CCDC141: variants seen among roughly 807,000 people sequenced by gnomAD.
The protein encoded by CCDC141 is coiled-coil domain-containing protein 141.
Under a neutral mutation model 181.0 loss-of-function variants are expected in CCDC141, and 168 were observed. The observed-to-expected ratio is 0.93, with a 90% CI of 0.82 to 1.05. The LOEUF (loss-of-function observed/expected upper bound fraction) is 1.05, where lower values mean the gene tolerates loss of function less well. Among genes scored for constraint, CCDC141 ranks in the 50% least tolerant of loss-of-function variants. The pLI is 0.00. For synonymous variants in CCDC141, 666 were observed against 642.3 expected (o/e 1.04, Z -0.56); for missense variants, 1,902 against 1,788.5 (o/e 1.06, Z -1.14).
In CCDC141 at chr2:178,961,344, G is replaced by A. The variant is rs983990676; in HGVS notation, c.666C>T (p.Arg222=). 6 of 1,550,426 alleles carry A rather than the reference G, an allele frequency of 3.9e-6. No individual in the cohort carries two copies. The African/African-American group carries it at 8.2e-5, about 21-fold the overall frequency. ...TCCTGTCTTGTAGAAGTTCAAGAAG[G>A]CGGTCAACCTTCAGACAGCTGCTAT... The part of the protein sequence containing the change: ...GAHSSCLKVD[R]LLELLQDRRR... Residue 222 remains arginine (R), a synonymous_variant, in exon 5 of 24, where the codon CGC becomes CGT. Transcript: ENST00000443758.
In CCDC141 at chr2:178,884,887, A is replaced by T; in HGVS notation, c.1719+14T>A. The T allele has an allele frequency of 6.5e-7, 1 of 1,547,466 alleles. No individual in the cohort carries two copies. The highest frequency in any genetic ancestry group is 8.7e-7 in the Non-Finnish European group (1 of 1,144,556). On this transcript the variant is annotated intron_variant, in intron 11 of 23. Coordinates refer to ENST00000443758, the MANE Select transcript of CCDC141 (RefSeq NM_173648.4). ...GGCCACCTTGCTGAAGAAGGTTAAC[A>T]CATAGTACCATACCTCCTCTGATGA... is the stretch of plus-strand genomic sequence containing the variant.
At chr2:178,867,651 A>T (rs1037459502) in intron 16 of CCDC141, among the ~76,000 whole-genome samples, 3 of 152,180 alleles carry the variant, frequency 2.0e-5, no homozygotes, top group Non-Finnish European at 4.4e-5. Flanking sequence ...TATACTGAAG[A>T]TCAATTTTTA....
intron 2 of CCDC141, among the ~76,000 whole-genome samples, chr2:179,033,109 G>C (rs1000741544): frequency 6.6e-6 from 1 of 150,734 alleles, no homozygotes; most frequent in Non-Finnish European, 1.5e-5. Context: ...AAAACACACA[G>C]ACAAACCAAA....
intron 8 of CCDC141, among the ~76,000 whole-genome samples, chr2:178,897,842 C>T (rs1390112713): frequency 6.6e-6 from 1 of 151,984 alleles, no homozygotes; most frequent in Non-Finnish European, 1.5e-5. Flanking sequence ...AAAACTTTAC[C>T]CTCACACAAG....
intron 18 of CCDC141, among the ~76,000 whole-genome samples, chr2:178,855,791 T>TA (rs1033888635): frequency 1.8e-4 from 27 of 152,354 alleles, no homozygotes; most frequent in African/African-American, 6.5e-4. Flanking sequence ...TGATCTTTTT[T>TA]AAAGACATTG....
chr2:178,851,929 C>T (rs1377679592), intron 20 of CCDC141, among the ~76,000 whole-genome samples: 1 of 152,186 alleles, frequency 6.6e-6, no homozygotes, highest in Non-Finnish European at 1.5e-5. Context: ...AGAGTTGATA[C>T]AATCTTAAAG....
chr2:178,845,648 A>G lies in CCDC141; in HGVS notation c.3452T>C (p.Ile1151Thr), dbSNP rs1453912977. The G allele has an allele frequency of 3.8e-6, 6 of 1,599,942 alleles. No individual in the cohort carries two copies. Among genetic ancestry groups the G allele is most frequent in the Non-Finnish European group, 5.1e-6 (6 of 1,167,358 alleles). Residue 1151 changes from isoleucine to threonine, a missense_variant, in exon 22 of 24, where the codon ATA becomes ACA. Transcript: ENST00000443758. The part of the protein sequence containing the change: ...LKEPAKNKQT[I>T]FNEERNKGQV... ...TACCTTATTCCTTTCTTCATTGAAT[A>G]TTGTCTGCTTATTTTTTGCTGGTTC...
chr2:178,868,396 T>A (rs541294010), intron 15 of CCDC141, among the ~76,000 whole-genome samples, 191 bp from the exon 16 acceptor site: 22 of 152,260 alleles, frequency 1.4e-4, no homozygotes, highest in South Asian at 4.1e-4. Flanking sequence ...CTGCTAACGT[T>A]GTCAGTTCCA....
chr2:178,955,113 G>T (rs1690105974), intron 5 of CCDC141, among the ~76,000 whole-genome samples: 1 of 151,854 alleles, frequency 6.6e-6, no homozygotes, highest in South Asian at 2.1e-4. Context: ...GGTGAAATCT[G>T]GTCTCTACTA....
chr2:178,823,660 T>C, the CCDC141 span, among the ~76,000 whole-genome samples: 3 of 152,180 alleles, frequency 2.0e-5, no homozygotes, highest in Admixed American at 2.0e-4. Context: ...TTAAAGTAAC[T>C]TCAAAGTTCT....
chr2:178,859,916 C>T (rs560149971), intron 17 of CCDC141, among the ~76,000 whole-genome samples: 1 of 152,264 alleles, frequency 6.6e-6, no homozygotes, highest in Admixed American at 6.5e-5. Flanking sequence ...GCTGGTTGAG[C>T]CAGCTTTGGC....
chr2:178,874,431 A>C (rs1324958963), intron 12 of CCDC141: 1 of 152,226 alleles, frequency 6.6e-6, no homozygotes, highest in East Asian at 1.9e-4. Context: ...TATTATGATA[A>C]CCTAAGTTTA....
At chr2:178,838,041 A>T (rs1244262960) in intron 22 of CCDC141, among the ~76,000 whole-genome samples, 1 of 152,174 alleles carries the variant, frequency 6.6e-6, no homozygotes, top group Non-Finnish European at 1.5e-5. Context: ...GGGTTGGACT[A>T]GATCAACATC....
intron 2 of CCDC141, among the ~76,000 whole-genome samples, chr2:179,042,360 T>C (rs745900246): frequency 2.2e-4 from 33 of 152,176 alleles, no homozygotes; most frequent in Non-Finnish European, 3.4e-4. Context: ...AGAAATTCTT[T>C]TTTTTGACAG....
At chr2:178,925,067 T>C (rs1012885320) in intron 6 of CCDC141, among the ~76,000 whole-genome samples, 1 of 152,240 alleles carries the variant, frequency 6.6e-6, no homozygotes, top group African/African-American at 2.4e-5. Context: ...GTGCTTCAAG[T>C]TCCTGGATTT....
chr2:178,902,695 G>C (rs1276893478), intron 8 of CCDC141, among the ~76,000 whole-genome samples: 2 of 150,838 alleles, frequency 1.3e-5, no homozygotes, highest in Non-Finnish European at 2.9e-5. Context: ...CATAGGCATG[G>C]GCAAGGACTT....
intron 21 of CCDC141, among the ~76,000 whole-genome samples, chr2:178,848,290 G>T (rs1180570914): frequency 2.6e-5 from 4 of 152,234 alleles, no homozygotes; most frequent in African/African-American, 9.6e-5. Context: ...AAGCACAATG[G>T]TTTGGAAAGG....
the CCDC141 span, among the ~76,000 whole-genome samples, chr2:178,820,994 T>C: frequency 3.3e-5 from 5 of 152,200 alleles, no homozygotes; most frequent in Admixed American, 2.0e-4. Flanking sequence ...TTTATAATAC[T>C]CACTGGACAC....
chr2:178,910,380 C>G (rs1239281831), intron 7 of CCDC141, among the ~76,000 whole-genome samples: 1 of 152,146 alleles, frequency 6.6e-6, no homozygotes. Context: ...TTTCCTTCCA[C>G]GAGTCTAGTG....
Sources: allele counts gnomAD v4.1 joint callset (sites outside exome capture counted in the v4.1 genomes callset), GRCh38; gene constraint gnomAD v4.1.1; transcripts MANE v1.5; gene names NCBI Gene and HGNC (gene_info 2026-07-23, HGNC 2026-07-21).